GNG2: variants seen among roughly 807,000 people sequenced by gnomAD.
GNG2 encodes the protein G protein subunit gamma 2, also known as guanine nucleotide-binding protein G(I)/G(S)/G(O) subunit gamma-2.
A neutral mutation model predicts 5.5 loss-of-function variants in GNG2; 5 were observed. That is an observed-to-expected ratio of 0.91 (90% CI 0.48 to 1.92). GNG2 has a LOEUF of 1.92. Among genes scored for constraint, GNG2 ranks in the 30% most tolerant of loss-of-function variants. GNG2 has a pLI of 0.01. For missense variants in GNG2, 55 were observed against 88.4 expected (o/e 0.62, Z 1.52); for synonymous variants, 28 against 32.0 (o/e 0.88, Z 0.42).
chr14:51,875,403 G>A (rs889617245), intron 1 of GNG2, among the ~76,000 whole-genome samples: 1 of 152,206 alleles, frequency 6.6e-6, no homozygotes, highest in African/African-American at 2.4e-5. Context: ...CAGCAAGGGA[G>A]GTTGGGGAAA....
chr14:51,888,412 G>A (rs1421620211), intron 2 of GNG2, among the ~76,000 whole-genome samples: 2 of 152,022 alleles, frequency 1.3e-5, no homozygotes, highest in African/African-American at 2.4e-5. Flanking sequence ...TTGACCTCCT[G>A]GGCTTGAGCG....
intron 2 of GNG2, among the ~76,000 whole-genome samples, chr14:51,925,900 G>T (rs1316203681): frequency 6.6e-6 from 1 of 152,060 alleles, no homozygotes. Flanking sequence ...AGGATTACAG[G>T]TGTGAGCCAC....
chr14:51,917,168 C>T (rs1886696159), intron 2 of GNG2, among the ~76,000 whole-genome samples: 1 of 152,204 alleles, frequency 6.6e-6, no homozygotes, highest in Admixed American at 6.5e-5. Context: ...TCCTAAGCTA[C>T]TCTTTCAAAA....
upstream of GNG2, among the ~76,000 whole-genome samples, chr14:51,856,624 G>T (rs957648187): frequency 6.6e-6 from 1 of 152,104 alleles, no homozygotes; most frequent in Non-Finnish European, 1.5e-5. Flanking sequence ...GTAGAGATGG[G>T]GTTTCACTGT....
intron 2 of GNG2, among the ~76,000 whole-genome samples, chr14:51,889,400 G>A (rs1006391409): frequency 1.3e-5 from 2 of 151,964 alleles, no homozygotes; most frequent in African/African-American, 4.8e-5. Flanking sequence ...CCGGTCCTTG[G>A]GTTTGCTTTT....
intron 2 of GNG2, among the ~76,000 whole-genome samples, chr14:51,902,550 G>T (rs1012088435): frequency 6.6e-6 from 1 of 152,126 alleles, no homozygotes; most frequent in Non-Finnish European, 1.5e-5. Context: ...TTAAGTAAAT[G>T]CAAACGAAAA....
intron 2 of GNG2, among the ~76,000 whole-genome samples, chr14:51,916,961 C>G (rs556172337): frequency 6.6e-6 from 1 of 152,234 alleles, no homozygotes; most frequent in African/African-American, 2.4e-5. Flanking sequence ...GAAGCAAAAT[C>G]TATTTCAGAC....
At chr14:51,936,357 G>T (rs1421767347) in intron 2 of GNG2, among the ~76,000 whole-genome samples, 1 of 152,070 alleles carries the variant, frequency 6.6e-6, no homozygotes, top group East Asian at 1.9e-4. Context: ...GGTACCTGGG[G>T]ACCGGTCTCA....
chr14:51,915,402 T>C (rs1214076492), intron 2 of GNG2, among the ~76,000 whole-genome samples: 1 of 152,226 alleles, frequency 6.6e-6, no homozygotes, highest in East Asian at 1.9e-4. Context: ...AAACTGTTAC[T>C]GCCCTAAATA....
intron 2 of GNG2, among the ~76,000 whole-genome samples, chr14:51,852,763 C>A (rs2153310): frequency 0.13 from 20,099 of 152,142 alleles, 1,553 homozygotes; most frequent in Non-Finnish European, 0.17. Flanking sequence ...ACTAAAGTAA[C>A]GGAAATCATT....
intron 2 of GNG2, among the ~76,000 whole-genome samples, chr14:51,841,316 AG>A (rs1881475766): frequency 6.6e-6 from 1 of 152,220 alleles, no homozygotes; most frequent in Admixed American, 6.5e-5. Context: ...CAGGGAGTCC[AG>A]GAATCTAGAC....
At chr14:51,827,282 A>G (rs1881054804) in intron 1 of GNG2, among the ~76,000 whole-genome samples, 1 of 152,210 alleles carries the variant, frequency 6.6e-6, no homozygotes, top group Non-Finnish European at 1.5e-5. Flanking sequence ...ATACACTAGA[A>G]CAGTGCTTCT....
At chr14:51,833,981 G>GC (rs77901980) in intron 2 of GNG2, among the ~76,000 whole-genome samples, 137,124 of 152,164 alleles carry the variant, frequency 0.9, 62,549 homozygotes, top group Non-Finnish European at 0.98. Flanking sequence ...GCATCAGACT[G>GC]CCTTGAGACA....
Position 51,908,736 on chromosome 14 carries a change from A to ATTTTTTTTTTTTTTT in GNG2, c.-30+31088_-30+31102dup, listed in dbSNP as rs3030340. Among the ~76,000 whole-genome samples, 5 of 89,880 alleles carry ATTTTTTTTTTTTTTT rather than the reference A, an allele frequency of 5.6e-5. 1 individual carries two copies. Among genetic ancestry groups the ATTTTTTTTTTTTTTT allele is most frequent in the East Asian group, 5.0e-4 (1 of 2,004 alleles). The allele number at this position is 89,880 out of a possible 152,430, so 59.0% of individuals were successfully genotyped here. On this transcript the variant is annotated intron_variant, in intron 2 of 3. Transcript: ENST00000556766. ...AGGCGTGCGCCACCACACCCAGCTAATTTTTTTTTTTTTTTTTTTTTTTAG... is the reference window on the plus strand; with the variant it reads ...AGGCGTGCGCCACCACACCCAGCTAATTTTTTTTTTTTTTTTTTTTTTTTTTTTTTTTTTTTTTAG...
At chr14:51,963,067 G>C (rs1233089409) in intron 3 of GNG2, among the ~76,000 whole-genome samples, 1 of 152,222 alleles carries the variant, frequency 6.6e-6, no homozygotes, top group African/African-American at 2.4e-5. Context: ...CGTATGTAAA[G>C]TGGTTAGCAC....
chr14:51,965,017 T>C (rs1889815290), intron 3 of GNG2, among the ~76,000 whole-genome samples: 1 of 152,188 alleles, frequency 6.6e-6, no homozygotes, highest in Non-Finnish European at 1.5e-5. Context: ...TCCTCATAAA[T>C]TATTTCAGTC....
At chr14:51,913,077 G>A (rs1410082441) in intron 2 of GNG2, 1 of 152,216 alleles carries the variant, frequency 6.6e-6, no homozygotes, top group East Asian at 1.9e-4. Context: ...AATGGCAGGA[G>A]AGACAGAGGG....
chr14:51,954,784 G>A (rs1022382333), intron 3 of GNG2, among the ~76,000 whole-genome samples: 3 of 152,188 alleles, frequency 2.0e-5, no homozygotes, highest in Non-Finnish European at 2.9e-5. Context: ...GCTGCCCATG[G>A]TTCCCAGGAT....
intron 2 of GNG2, among the ~76,000 whole-genome samples, chr14:51,942,024 G>A (rs1422498596): frequency 2.6e-5 from 4 of 152,062 alleles, no homozygotes; most frequent in Non-Finnish European, 5.9e-5. Flanking sequence ...TTTGCTTACT[G>A]GCAAATATAA....
Sources: allele counts gnomAD v4.1 joint callset (sites outside exome capture counted in the v4.1 genomes callset), GRCh38; gene constraint gnomAD v4.1.1; transcripts MANE v1.5; gene names NCBI Gene and HGNC (gene_info 2026-07-23, HGNC 2026-07-21).